The following ARFGEF1 variants were observed in gnomAD, a reference collection of about 807,000 sequenced individuals.
The protein encoded by ARFGEF1 is ARF guanine nucleotide exchange factor 1, also known as brefeldin A-inhibited guanine nucleotide-exchange protein 1.
A neutral mutation model predicts 231.0 loss-of-function variants in ARFGEF1; 42 were observed. That is an observed-to-expected ratio of 0.18 (90% CI 0.14 to 0.24). ARFGEF1 has a LOEUF of 0.24. ARFGEF1 is among the 10% of genes least tolerant of loss of function. The probability of loss-of-function intolerance (pLI) is 1.00; values close to 1 mark genes in which losing one functional copy is unlikely to be tolerated. For synonymous variants in ARFGEF1, 710 were observed against 732.3 expected (o/e 0.97, Z 0.49); for missense variants, 1,345 against 2,192.0 (o/e 0.61, Z 7.72).
intron 36 of ARFGEF1, among the ~76,000 whole-genome samples, chr8:67,202,408 C>T (rs779825686): frequency 1.3e-5 from 2 of 151,870 alleles, no homozygotes. Context: ...TACAGGTATG[C>T]GACACCATGC....
At chr8:67,319,674 A>G (rs998266656) in intron 1 of ARFGEF1, among the ~76,000 whole-genome samples, 5 of 152,212 alleles carry the variant, frequency 3.3e-5, no homozygotes, top group African/African-American at 1.2e-4. Context: ...TACCAAAAGC[A>G]TGTGACATAA....
At chr8:67,195,249 A>C (rs889410058), downstream of ARFGEF1, 11 of 724,834 alleles carry the variant, frequency 1.5e-5, no homozygotes, top group East Asian at 2.0e-4. Context: ...CAAAACAAAC[A>C]AACAGTAGAG....
chr8:67,242,850 GC>G (rs1217775935), intron 19 of ARFGEF1, among the ~76,000 whole-genome samples: 1 of 152,160 alleles, frequency 6.6e-6, no homozygotes, highest in Admixed American at 6.5e-5. Context: ...AGAGCCCTTG[GC>G]CCTTGTGAAC....
chr8:67,326,954 C>T (rs1807861334), intron 1 of ARFGEF1, among the ~76,000 whole-genome samples: 1 of 152,136 alleles, frequency 6.6e-6, no homozygotes, highest in East Asian at 1.9e-4. Context: ...AAACAATTTC[C>T]TTCCTATTAT....
intron 10 of ARFGEF1, among the ~76,000 whole-genome samples, chr8:67,268,530 C>T (rs1458082257): frequency 1.3e-5 from 2 of 152,142 alleles, no homozygotes; most frequent in Non-Finnish European, 2.9e-5. Flanking sequence ...AAATAAATCA[C>T]ACTACATTCC....
intron 1 of ARFGEF1, among the ~76,000 whole-genome samples, chr8:67,333,819 ATT>A (rs1808215493): frequency 6.6e-6 from 1 of 152,130 alleles, no homozygotes; most frequent in Non-Finnish European, 1.5e-5. Context: ...CACAGTCAAA[ATT>A]TTGTTTCATG....
At chr8:67,310,311 C>T (rs1236846280) in intron 1 of ARFGEF1, among the ~76,000 whole-genome samples, 1 of 152,214 alleles carries the variant, frequency 6.6e-6, no homozygotes, top group Non-Finnish European at 1.5e-5. Context: ...GTTGGCCGGG[C>T]CGGTCTCCAG....
intron 1 of ARFGEF1, among the ~76,000 whole-genome samples, chr8:67,329,226 A>T (rs957063061): frequency 2.6e-5 from 4 of 151,848 alleles, no homozygotes; most frequent in Non-Finnish European, 4.4e-5. Context: ...CAAAACAAAA[A>T]ACAAAACAAA....
downstream of ARFGEF1, among the ~76,000 whole-genome samples, chr8:67,196,736 G>A (rs1838006485): frequency 6.6e-6 from 1 of 152,074 alleles, no homozygotes. Flanking sequence ...ACTCTTCTAG[G>A]GGAAGAGTCC....
intron 33 of ARFGEF1, among the ~76,000 whole-genome samples, chr8:67,213,125 G>A (rs1340891303): frequency 6.6e-6 from 1 of 152,200 alleles, no homozygotes; most frequent in Non-Finnish European, 1.5e-5. Flanking sequence ...CAGCATAGAT[G>A]TCACAGTTCT....
downstream of ARFGEF1, among the ~76,000 whole-genome samples, chr8:67,197,281 TAAA>T (rs745380162): frequency 6.8e-6 from 1 of 147,972 alleles, no homozygotes; most frequent in Non-Finnish European, 1.5e-5. Context: ...ATCCCATCTC[TAAA>T]AAAAAAAAAT....
At chr8:67,177,875 G>T in intron 5 of ARFGEF1, 2 of 685,830 alleles carry the variant, frequency 2.9e-6, no homozygotes, top group Non-Finnish European at 5.3e-6. Context: ...AGCTTGAGAA[G>T]TGTTAGTGTA....
At chr8:67,296,819 T>G (rs1308991381) in intron 4 of ARFGEF1, among the ~76,000 whole-genome samples, 1 of 151,812 alleles carries the variant, frequency 6.6e-6, no homozygotes, top group Non-Finnish European at 1.5e-5. Flanking sequence ...CCCGGCTAAT[T>G]TTGTTTTATT....
rs1840059513 is a variant in ARFGEF1, at chr8:67,244,938, C to T, written c.2851-4648G>A. On this transcript the variant is annotated intron_variant, in intron 19 of 38. Coordinates refer to ENST00000262215, the MANE Select transcript of ARFGEF1 (RefSeq NM_006421.5). ...ACCTCAAGGCTTTTTAATAATTAAA[C>T]TCACAAAGGTCAAAGATAAAGGATC... 1.3e-5 allele frequency among the ~76,000 whole-genome samples: 2 copies of T among 150,080 alleles called. 1 individual carries two copies. Among genetic ancestry groups the T allele is most frequent in the African/African-American group, 5.0e-5 (2 of 40,100 alleles).
chr8:67,244,153 G>A (rs1840019517), intron 19 of ARFGEF1, among the ~76,000 whole-genome samples: 1 of 141,664 alleles, frequency 7.1e-6, no homozygotes, highest in Admixed American at 7.6e-5. Flanking sequence ...GAGGCAGAGA[G>A]AATTGCTTGA....
At chr8:67,310,243 G>A (rs1008828947) in intron 1 of ARFGEF1, among the ~76,000 whole-genome samples, 7 of 150,284 alleles carry the variant, frequency 4.7e-5, no homozygotes, top group East Asian at 2.0e-4. Flanking sequence ...GAGTGCCTGC[G>A]ATTGCAGGCA....
chr8:67,212,725 T>TA (rs59727590), intron 33 of ARFGEF1, among the ~76,000 whole-genome samples: 13,634 of 152,246 alleles, frequency 0.09, 1,282 homozygotes, highest in African/African-American at 0.24. Flanking sequence ...CCAGAAATAG[T>TA]AATAATCAAA....
chr8:67,224,280 T>C (rs1839299043), intron 29 of ARFGEF1, among the ~76,000 whole-genome samples: 1 of 152,168 alleles, frequency 6.6e-6, no homozygotes, highest in Non-Finnish European at 1.5e-5. Context: ...CATTTCAATG[T>C]GGCAAAGTAC....
At chr8:67,179,950 G>T in intron 5 of ARFGEF1, 1 of 1,332,594 alleles carries the variant, frequency 7.5e-7, no homozygotes, top group South Asian at 1.2e-5. Flanking sequence ...TTTTATTAAG[G>T]CTATATTGTT....
Sources: gnomAD v4.1 joint callset for allele counts (sites outside exome capture counted in the v4.1 genomes callset) on GRCh38, gnomAD v4.1.1 for gene constraint, MANE v1.5 for transcripts, NCBI Gene and HGNC (gene_info 2026-07-23, HGNC 2026-07-21) for gene names.